Variants in ZNF804B observed in about 807,000 individuals in gnomAD.
ZNF804B encodes the protein zinc finger protein 804B.
ZNF804B carries 80 observed loss-of-function variants against 101.4 expected under a neutral mutation model. The ratio of observed to expected loss-of-function variants is 0.79; its 90% confidence interval spans 0.66 to 0.95. The LOEUF is 0.95. Among genes scored for constraint, ZNF804B ranks in the 40% least tolerant of loss-of-function variants. The probability of loss-of-function intolerance (pLI) is 0.00; values close to 1 mark genes in which losing one functional copy is unlikely to be tolerated. For synonymous variants in ZNF804B, 622 were observed against 558.8 expected, an observed-to-expected ratio of 1.11 and a Z score of -1.59; for missense variants, 1,673 against 1,561.9, an observed-to-expected ratio of 1.07 and a Z score of -1.20.
intron 1 of ZNF804B, among the ~76,000 whole-genome samples, chr7:88,911,497 A>G (rs908323055): frequency 6.7e-6 from 1 of 149,034 alleles, no homozygotes; most frequent in African/African-American, 2.4e-5. Flanking sequence ...TTATACCAAC[A>G]TTATTTTTAT....
At chr7:88,988,295 A>G (rs890182937) in intron 1 of ZNF804B, among the ~76,000 whole-genome samples, 2 of 152,054 alleles carry the variant, frequency 1.3e-5, no homozygotes, top group African/African-American at 4.8e-5. Context: ...AAAAAAAGTC[A>G]CTAAGGGAAG....
chr7:89,301,855 T>G (rs1009486013), intron 2 of ZNF804B, among the ~76,000 whole-genome samples: 4 of 151,934 alleles, frequency 2.6e-5, no homozygotes, highest in Non-Finnish European at 1.5e-5. Context: ...GTATCTACTT[T>G]ATGATGTTGC....
At chr7:89,225,292 TC>T (rs1789072279) in intron 2 of ZNF804B, among the ~76,000 whole-genome samples, 1 of 152,152 alleles carries the variant, frequency 6.6e-6, no homozygotes, top group Non-Finnish European at 1.5e-5. Flanking sequence ...TAATAGGATA[TC>T]TACAAACACT....
intron 2 of ZNF804B, among the ~76,000 whole-genome samples, chr7:89,254,026 G>T (rs907134735): frequency 6.6e-6 from 1 of 152,098 alleles, no homozygotes; most frequent in African/African-American, 2.4e-5. Flanking sequence ...AAAATACAAT[G>T]AATATGTTAT....
At chr7:88,935,887 TTTTC>T (rs1327201070) in intron 1 of ZNF804B, among the ~76,000 whole-genome samples, 2 of 151,778 alleles carry the variant, frequency 1.3e-5, no homozygotes, top group African/African-American at 4.8e-5. Flanking sequence ...TCTTGTTTCC[TTTTC>T]TTTCTTTTTT....
In ZNF804B at chr7:89,195,877, A is replaced by G. The variant is rs556592044; in HGVS notation, c.109-22278A>G. On this transcript the variant is annotated intron_variant, in intron 1 of 3. Coordinates refer to ENST00000333190, the MANE Select transcript of ZNF804B (RefSeq NM_181646.5). ...GTGAAGGACCTCTTGAAAGAGAACTATAAACCACTGCTCAAAAAATCAGAG... is the reference window on the plus strand; with the variant it reads ...GTGAAGGACCTCTTGAAAGAGAACTGTAAACCACTGCTCAAAAAATCAGAG... Among the ~76,000 whole-genome samples the G allele has an allele frequency of 2.8e-4, 23 of 82,690 alleles. No individual in the cohort carries two copies. The East Asian group carries it at 4.4e-3, about 16-fold the overall frequency. The allele number at this position is 82,690 out of a possible 152,430, so 54.2% of individuals were successfully genotyped here.
intron 1 of ZNF804B, among the ~76,000 whole-genome samples, chr7:89,110,291 T>G (rs927711708): frequency 6.6e-6 from 1 of 152,178 alleles, no homozygotes; most frequent in Non-Finnish European, 1.5e-5. Flanking sequence ...ATAGGTTATC[T>G]AGTGAGCTGA....
chr7:88,820,282 C>CT (rs1790956687), intron 1 of ZNF804B, among the ~76,000 whole-genome samples: 1 of 152,228 alleles, frequency 6.6e-6, no homozygotes, highest in African/African-American at 2.4e-5. Context: ...ATACAATAGA[C>CT]TTTTTTATGG....
At chr7:89,159,086 C>G (rs535888169) in intron 1 of ZNF804B, among the ~76,000 whole-genome samples, 1 of 152,178 alleles carries the variant, frequency 6.6e-6, no homozygotes, top group South Asian at 2.1e-4. Context: ...TCCCTAGTAC[C>G]TTGAGAGGAG....
At chr7:88,983,180 C>A (rs1793716367) in intron 1 of ZNF804B, among the ~76,000 whole-genome samples, 1 of 152,056 alleles carries the variant, frequency 6.6e-6, no homozygotes, top group African/African-American at 2.4e-5. Flanking sequence ...TTCCTGGAAG[C>A]TTGCTAGCAA....
chr7:89,276,024 C>T (rs770515098), intron 2 of ZNF804B, among the ~76,000 whole-genome samples: 10 of 151,796 alleles, frequency 6.6e-5, no homozygotes, highest in East Asian at 1.9e-4. Flanking sequence ...TGCAGGGACA[C>T]GAATGGATCT....
intron 2 of ZNF804B, among the ~76,000 whole-genome samples, chr7:89,271,243 C>A (rs1336998629): frequency 6.6e-6 from 1 of 152,106 alleles, no homozygotes; most frequent in African/African-American, 2.4e-5. Context: ...TACATCCCAT[C>A]AGTACCTAAT....
chr7:88,888,772 G>A (rs117191836), intron 1 of ZNF804B, among the ~76,000 whole-genome samples: 2,353 of 151,734 alleles, frequency 0.016, 23 homozygotes, highest in Non-Finnish European at 0.021. Flanking sequence ...TTTGTTTTTC[G>A]TTTTGTTTTG....
intron 1 of ZNF804B, among the ~76,000 whole-genome samples, chr7:88,846,712 AT>A (rs928728660): frequency 6.6e-6 from 1 of 152,112 alleles, no homozygotes; most frequent in Non-Finnish European, 1.5e-5. Context: ...AAAAAAGGGT[AT>A]ATGTCTATAT....
intron 1 of ZNF804B, among the ~76,000 whole-genome samples, chr7:88,867,480 G>T (rs6465167): frequency 0.22 from 33,506 of 152,064 alleles, 4,600 homozygotes; most frequent in African/African-American, 0.4. Context: ...TTTTCTCTGC[G>T]TCTTTGTTCA....
chr7:89,203,924 T>C (rs1788681629), intron 1 of ZNF804B, among the ~76,000 whole-genome samples: 1 of 152,156 alleles, frequency 6.6e-6, no homozygotes, highest in Non-Finnish European at 1.5e-5. Flanking sequence ...ACCAGAACAA[T>C]TTAAGAAGTT....
intron 1 of ZNF804B, among the ~76,000 whole-genome samples, chr7:89,059,066 C>T (rs996011526): frequency 6.6e-6 from 1 of 152,166 alleles, no homozygotes; most frequent in African/African-American, 2.4e-5. Context: ...TGTATTGAGA[C>T]TGTACTCATG....
At chr7:89,212,569 A>ACG (rs1451939549) in intron 1 of ZNF804B, among the ~76,000 whole-genome samples, 1 of 152,160 alleles carries the variant, frequency 6.6e-6, no homozygotes, top group Admixed American at 6.6e-5. Context: ...TAAGGTAAGT[A>ACG]CGCAGTGAAA....
chr7:88,782,465 A>G (rs1790244244), intron 1 of ZNF804B, among the ~76,000 whole-genome samples: 1 of 152,058 alleles, frequency 6.6e-6, no homozygotes, highest in African/African-American at 2.4e-5. Context: ...ACATATATGT[A>G]TATACGTGCA....
Sources: allele counts gnomAD v4.1 joint callset (sites outside exome capture counted in the v4.1 genomes callset), GRCh38; gene constraint gnomAD v4.1.1; transcripts MANE v1.5; gene names NCBI Gene and HGNC (gene_info 2026-07-23, HGNC 2026-07-21).